The following PIK3R3 variants were observed in gnomAD, a reference collection of about 807,000 sequenced individuals.
PIK3R3 encodes the protein phosphoinositide-3-kinase regulatory subunit 3.
In PIK3R3, 64 loss-of-function variants were observed where a neutral mutation model predicts 62.9. The ratio of observed to expected loss-of-function variants is 1.02; its 90% CI spans 0.83 to 1.25. The LOEUF (loss-of-function observed/expected upper bound fraction) is 1.25, where lower values mean the gene tolerates loss of function less well. PIK3R3 is among the 50% of genes most tolerant of loss of function. The pLI is 0.00. For synonymous variants in PIK3R3, 165 were observed against 189.0 expected, an observed-to-expected ratio of 0.87 and a Z score of 1.04; for missense variants, 614 against 561.6, an observed-to-expected ratio of 1.09 and a Z score of -0.94.
At chr1:46,099,185 C>A (rs1652424542) in intron 1 of PIK3R3, among the ~76,000 whole-genome samples, 1 of 152,190 alleles carries the variant, frequency 6.6e-6, no homozygotes, top group Non-Finnish European at 1.5e-5. Context: ...GTCAAAGGTA[C>A]TTTCAAAATT....
intron 1 of PIK3R3, among the ~76,000 whole-genome samples, chr1:46,114,473 G>T (rs1342705314): frequency 6.6e-6 from 1 of 152,124 alleles, no homozygotes; most frequent in African/African-American, 2.4e-5. Context: ...CATAACAGTG[G>T]TTCTTAAAGT....
chr1:46,079,496 G>A lies in PIK3R3; in HGVS notation c.215+1146C>T, dbSNP rs114585063. 6.8e-3 allele frequency among the ~76,000 whole-genome samples: 1,041 copies of A among 152,272 alleles called. 12 individuals are homozygous for A. Among genetic ancestry groups the A allele is most frequent in the African/African-American group, 0.024 (1,004 of 41,542 alleles). ...CTCAATTGATTTTTGTGCATGCAAAGACTTTGGAACCACTGGCTTAAGAGA... is the reference window on the plus strand; with the variant it reads ...CTCAATTGATTTTTGTGCATGCAAAAACTTTGGAACCACTGGCTTAAGAGA... On this transcript the variant is annotated intron_variant, in intron 2 of 9. Transcript: ENST00000262741.
intron 1 of PIK3R3, among the ~76,000 whole-genome samples, chr1:46,101,828 T>C (rs1652707192): frequency 6.6e-6 from 1 of 152,188 alleles, no homozygotes; most frequent in African/African-American, 2.4e-5. Context: ...AGAGTTTCTA[T>C]ATGGAAGATG....
intron 1 of PIK3R3, among the ~76,000 whole-genome samples, chr1:46,102,104 GCCTCCCGAGTAGCTGGGACTACAGGCGC>G (rs1409968403): frequency 6.8e-6 from 1 of 147,012 alleles, no homozygotes; most frequent in Non-Finnish European, 1.5e-5. Flanking sequence ...TTCTGCCTCA[GCCTCCCGAGTAGCTGGGACTACAGGCGC>G]CCACCACCTC....
At chr1:46,156,231 T>C in the PIK3R3 span, among the ~76,000 whole-genome samples, 1 of 151,746 alleles carries the variant, frequency 6.6e-6, no homozygotes, top group Admixed American at 6.6e-5. Flanking sequence ...TGGGTTTTGA[T>C]GCAAAAATTT....
At chr1:46,086,843 C>T (rs565344510) in intron 1 of PIK3R3, among the ~76,000 whole-genome samples, 15 of 152,234 alleles carry the variant, frequency 9.9e-5, no homozygotes, top group African/African-American at 3.6e-4. Flanking sequence ...CAGTTAAGTC[C>T]TTAGTTCTCC....
At chr1:46,101,979 A>ATTT (rs1430966498) in intron 1 of PIK3R3, among the ~76,000 whole-genome samples, 3 of 86,780 alleles carry the variant, frequency 3.5e-5, no homozygotes, top group East Asian at 3.3e-4. Context: ...TGAATTGTAT[A>ATTT]CTTTTTTTTT....
chr1:46,092,010 T>C (rs915351595), intron 1 of PIK3R3, among the ~76,000 whole-genome samples: 1 of 152,202 alleles, frequency 6.6e-6, no homozygotes, highest in Admixed American at 6.5e-5. Context: ...GTTATTTCAA[T>C]CCGAGAATGC....
chr1:46,107,297 T>A (rs567686881), intron 1 of PIK3R3, among the ~76,000 whole-genome samples: 15 of 152,046 alleles, frequency 9.9e-5, no homozygotes, highest in African/African-American at 3.6e-4. Flanking sequence ...TAAGCCTAGA[T>A]TGCACCACTG....
intron 6 of PIK3R3, 99 bp downstream of exon 6, chr1:46,061,830 G>T: frequency 9.3e-7 from 1 of 1,079,246 alleles, no homozygotes; most frequent in Non-Finnish European, 1.4e-6. Context: ...TAGTAGGGCT[G>T]TGCAGTTTGA....
At chr1:46,165,751 C>CTTTTTTTTTTTTT in the PIK3R3 span, among the ~76,000 whole-genome samples, 18 of 39,554 alleles carry the variant, frequency 4.6e-4, 7 homozygotes, top group Non-Finnish European at 5.9e-4. Context: ...CTGCTTTGTC[C>CTTTTTTTTTTTTT]TTTTTTTTTT....
rs987109465 is a variant in PIK3R3 at position 46,105,117 on chromosome 1, T to A, written c.107-24367A>T. The A allele has an allele frequency of 1.2e-5, 9 of 722,950 alleles. 1 individual carries two copies. Among genetic ancestry groups the A allele is most frequent in the Admixed American group, 3.7e-5 (2 of 53,936 alleles). The allele number at this position is 722,950 out of a possible 1,614,324, so 44.8% of individuals were successfully genotyped here. ...ACTTATGTAGCAACTCAAATTGGAA[T>A]AGAATGGAACCTGTCCCCTGATGGG... On this transcript the variant is annotated intron_variant, in intron 1 of 9. Transcript: ENST00000262741.
At position 46,066,002 on chromosome 1, in the gene PIK3R3, T is replaced by C. The variant is rs1648949856; in HGVS notation, c.621+52A>G. ...ATCAAGTGAATGATCGAAAATTTGATGTAACTAAAACATTGCACACATATT... is the reference window on the plus strand; with the variant it reads ...ATCAAGTGAATGATCGAAAATTTGACGTAACTAAAACATTGCACACATATT... On this transcript the variant is annotated intron_variant, in intron 5 of 9. Coordinates refer to ENST00000262741, the MANE Select transcript of PIK3R3 (RefSeq NM_003629.4). The C allele has an allele frequency of 1.9e-6, 3 of 1,538,890 alleles. No individual in the cohort carries two copies. The East Asian group carries it at 6.8e-5, about 35-fold the overall frequency.
At chr1:46,102,971 A>G (rs1202358885) in intron 1 of PIK3R3, among the ~76,000 whole-genome samples, 3 of 152,238 alleles carry the variant, frequency 2.0e-5, no homozygotes, top group African/African-American at 7.2e-5. Flanking sequence ...ATATACATAA[A>G]GGGAATATTA....
At chr1:46,170,476 A>C in the PIK3R3 span, among the ~76,000 whole-genome samples, 10 of 152,146 alleles carry the variant, frequency 6.6e-5, no homozygotes, top group Admixed American at 1.3e-4. Context: ...GCTGGAGTGC[A>C]ATGGCATGAT....
the PIK3R3 span, among the ~76,000 whole-genome samples, chr1:46,165,009 T>C: frequency 6.6e-6 from 1 of 152,000 alleles, no homozygotes; most frequent in South Asian, 2.1e-4. Flanking sequence ...AGTTTTCTAC[T>C]TTTTTTTAGA....
chr1:46,147,443 G>A, the PIK3R3 span, among the ~76,000 whole-genome samples: 5 of 150,740 alleles, frequency 3.3e-5, no homozygotes, highest in African/African-American at 9.8e-5. Context: ...TTTTGAGACG[G>A]AGTCTCGCTC....
At chr1:46,172,266 T>C in the PIK3R3 span, among the ~76,000 whole-genome samples, 3 of 152,184 alleles carry the variant, frequency 2.0e-5, no homozygotes, top group Non-Finnish European at 4.4e-5. Flanking sequence ...GAGCCTCGGT[T>C]TTCTCATCTA....
intron 1 of PIK3R3, among the ~76,000 whole-genome samples, chr1:46,086,134 T>C (rs983568026): frequency 6.6e-6 from 1 of 152,198 alleles, no homozygotes; most frequent in Admixed American, 6.5e-5. Context: ...CATAGAGACA[T>C]ATAGATGTTT....
Sources: gnomAD v4.1 joint callset for allele counts (sites outside exome capture counted in the v4.1 genomes callset) on GRCh38, gnomAD v4.1.1 for gene constraint, MANE v1.5 for transcripts, NCBI Gene and HGNC (gene_info 2026-07-23, HGNC 2026-07-21) for gene names.